The following RNF217 variants were observed in gnomAD, a reference collection of about 807,000 sequenced individuals.
The protein encoded by RNF217 is E3 ubiquitin-protein ligase RNF217.
RNF217 carries 31 observed loss-of-function variants against 57.8 expected under a neutral mutation model. The observed-to-expected ratio is 0.54, with a 90% confidence interval of 0.40 to 0.72. The LOEUF (loss-of-function observed/expected upper bound fraction) is 0.72. RNF217 is among the 30% of genes least tolerant of loss of function. The pLI is 0.00. For missense variants in RNF217, 696 were observed against 708.3 expected (o/e 0.98, Z 0.20); for synonymous variants, 313 against 294.0 (o/e 1.06, Z -0.66).
chr6:124,976,120 T>C (rs562570589), intron 1 of RNF217, among the ~76,000 whole-genome samples: 53 of 152,274 alleles, frequency 3.5e-4, no homozygotes, highest in African/African-American at 1.3e-3. Flanking sequence ...GTATACATAC[T>C]GTTTGTCAAG....
chr6:124,963,022 A>G lies in RNF217; in HGVS notation c.478A>G (p.Arg160Gly). Residue 160 changes from arginine (R) to glycine (G), a missense_variant, in exon 1 of 6, where the codon AGA becomes GGA. By Grantham distance (125) the Arg-to-Gly change is moderately radical. Around this residue, in one of 2 missense-constraint regions of RNF217, gnomAD observed 465 missense variants for 386.8 expected, o/e 1.20. Transcript: ENST00000521654. ...TCAGCGGCGCCCGTCCCTCGCCAAGAGACAAGTCTTCTGCTCCGTGTACTG... is the reference window on the plus strand; with the variant it reads ...TCAGCGGCGCCCGTCCCTCGCCAAGGGACAAGTCTTCTGCTCCGTGTACTG... ...LGQRRPSLAKRQVFCSVYCVE... is the reference protein window; with the variant it reads ...LGQRRPSLAKGQVFCSVYCVE... The G allele has an allele frequency of 6.3e-7, 1 of 1,593,960 alleles. No individual in the cohort carries two copies. Among genetic ancestry groups the G allele is most frequent in the East Asian group, 2.2e-5 (1 of 44,638 alleles).
At chr6:125,068,170 A>G (rs952127622) in intron 3 of RNF217, among the ~76,000 whole-genome samples, 1 of 152,148 alleles carries the variant, frequency 6.6e-6, no homozygotes, top group African/African-American at 2.4e-5. Flanking sequence ...GGGCCCCTGT[A>G]GATTTTATAG....
rs2114670227 is a variant in RNF217, at chr6:125,086,973, T to C, written c.*4036T>C. ...AAATACCTATGAACCACTGTAATCA[T>C]TTCCAGTCCCTGATGCCCCTCTTCA... On this transcript the variant is annotated 3_prime_UTR_variant, in exon 6 of 6. Transcript: ENST00000521654. The C allele has an allele frequency of 1.3e-5, 2 of 152,234 alleles. No homozygotes were observed. Among genetic ancestry groups the C allele is most frequent in the East Asian group, 3.9e-4 (2 of 5,162 alleles). 9.4% of individuals were successfully genotyped at this position (152,234 alleles called of 1,614,324 possible). A position where few individuals can be genotyped will look rare whatever the true frequency, so the allele number is the denominator to read the frequency against.
intron 3 of RNF217, among the ~76,000 whole-genome samples, chr6:125,058,646 C>G (rs547168797): frequency 1.3e-5 from 2 of 152,214 alleles, no homozygotes; most frequent in Admixed American, 6.5e-5. Flanking sequence ...TTTCATCTTT[C>G]TTTTGATAAT....
intron 1 of RNF217, among the ~76,000 whole-genome samples, chr6:125,042,031 C>T (rs1233623077): frequency 1.3e-5 from 2 of 152,022 alleles, no homozygotes; most frequent in Non-Finnish European, 2.9e-5. Flanking sequence ...TGATGAAATA[C>T]ATATCTTGTT....
At chr6:125,015,262 A>G (rs1331762995) in intron 1 of RNF217, among the ~76,000 whole-genome samples, 2 of 152,182 alleles carry the variant, frequency 1.3e-5, no homozygotes, top group African/African-American at 4.8e-5. Context: ...ACCCCTGTAA[A>G]ATATATCTTC....
At chr6:125,068,460 A>G (rs181164388) in intron 3 of RNF217, among the ~76,000 whole-genome samples, 118 of 152,286 alleles carry the variant, frequency 7.7e-4, no homozygotes, top group Admixed American at 5.1e-3. Flanking sequence ...TACTGTCTTC[A>G]TACTTTCTAC....
intron 1 of RNF217, among the ~76,000 whole-genome samples, chr6:125,027,993 G>T: frequency 6.6e-6 from 1 of 151,840 alleles, no homozygotes; most frequent in Non-Finnish European, 1.5e-5. Flanking sequence ...TTTCCTGTAG[G>T]GTTGTTTGGA....
chr6:125,048,281 G>T, intron 2 of RNF217: 1 of 1,326,182 alleles, frequency 7.5e-7, no homozygotes, highest in Non-Finnish European at 1.0e-6. Context: ...TTATTTTGCA[G>T]TATTTTTAAA....
chr6:125,028,209 C>T (rs974184713), intron 1 of RNF217, among the ~76,000 whole-genome samples: 1 of 151,992 alleles, frequency 6.6e-6, no homozygotes, highest in African/African-American at 2.4e-5. Context: ...GTTAGTTTAT[C>T]TTAATCCCCC....
chr6:125,026,532 T>C (rs745999091), intron 1 of RNF217, among the ~76,000 whole-genome samples: 40 of 152,216 alleles, frequency 2.6e-4, no homozygotes, highest in Non-Finnish European at 4.4e-4. Flanking sequence ...CTTTAGAGCA[T>C]TGAGAGCGTA....
At position 125,090,170 on chromosome 6, in the gene RNF217, A is replaced by G. The variant is rs1039932822; in HGVS notation, c.*7233A>G. 1 of 152,094 alleles carries G rather than the reference A, an allele frequency of 6.6e-6. No homozygotes were observed. The highest frequency in any genetic ancestry group is 1.5e-5 in the Non-Finnish European group (1 of 67,970). 9.4% of individuals were successfully genotyped at this position (152,094 alleles called of 1,614,324 possible). Reference sequence around the variant, plus strand: ...GTTTCACGTGAAACATAGAATAATAATTAGTTTGTATATATATAAAACCAT... The same window carrying G: ...GTTTCACGTGAAACATAGAATAATAGTTAGTTTGTATATATATAAAACCAT... On this transcript the variant is annotated 3_prime_UTR_variant, in exon 6 of 6. Transcript: ENST00000521654.
chr6:125,024,721 A>C (rs1786003380), intron 1 of RNF217, among the ~76,000 whole-genome samples: 1 of 73,090 alleles, frequency 1.4e-5, no homozygotes, highest in Admixed American at 1.2e-4. Context: ...CTCTGTCTCA[A>C]AAAAAAAAAA....
chr6:125,036,770 A>C (rs1056895819), intron 1 of RNF217, among the ~76,000 whole-genome samples: 1 of 152,014 alleles, frequency 6.6e-6, no homozygotes, highest in Non-Finnish European at 1.5e-5. Context: ...AATGCTCATC[A>C]TCGCTGGTCA....
At chr6:125,027,780 A>G (rs1001435530) in intron 1 of RNF217, among the ~76,000 whole-genome samples, 6 of 152,232 alleles carry the variant, frequency 3.9e-5, no homozygotes, top group Non-Finnish European at 7.3e-5. Context: ...AAAAGTGTAC[A>G]AAGGTTCCCT....
At chr6:125,056,007 A>G (rs189849030) in intron 2 of RNF217, among the ~76,000 whole-genome samples, 9 of 152,280 alleles carry the variant, frequency 5.9e-5, no homozygotes, top group African/African-American at 9.6e-5. Flanking sequence ...ACTTAAACCA[A>G]GTAGTTTCTC....
At chr6:125,079,802 A>AT (rs1788508990) in intron 4 of RNF217, among the ~76,000 whole-genome samples, 18 of 152,118 alleles carry the variant, frequency 1.2e-4, no homozygotes, top group Non-Finnish European at 4.4e-5. Flanking sequence ...ACAAAAAATT[A>AT]AGTATAGGAA....
chr6:125,022,791 CTTTAA>C (rs1428414988), intron 1 of RNF217, among the ~76,000 whole-genome samples: 1 of 152,128 alleles, frequency 6.6e-6, no homozygotes, highest in Non-Finnish European at 1.5e-5. Flanking sequence ...ACTTCCTTCC[CTTTAA>C]TTTATGTCCC....
chr6:125,058,173 T>C, intron 3 of RNF217, 67 bp downstream of exon 3: 8 of 1,358,084 alleles, frequency 5.9e-6, no homozygotes, highest in Non-Finnish European at 8.0e-6. Context: ...AATATTTACA[T>C]TATTGAAGGG....
Sources: gnomAD v4.1 joint callset for allele counts (sites outside exome capture counted in the v4.1 genomes callset) on GRCh38, gnomAD v4.1.1 for gene constraint, gnomAD v4.1.1 regional missense constraint, MANE v1.5 for transcripts, NCBI Gene and HGNC (gene_info 2026-07-23, HGNC 2026-07-21) for gene names.